MLPH: variants seen among roughly 807,000 people sequenced by gnomAD.
MLPH encodes the protein melanophilin, also known as exophilin-3.
Under a neutral mutation model 72.1 loss-of-function variants are expected in MLPH, and 51 were observed. The ratio of observed to expected loss-of-function variants is 0.71; its 90% CI spans 0.56 to 0.89. The LOEUF (loss-of-function observed/expected upper bound fraction) is 0.89. Ranked by LOEUF, MLPH falls within the 40% of genes least tolerant of loss-of-function variation. MLPH has a pLI of 0.00. For missense variants in MLPH, 743 were observed against 759.9 expected (o/e 0.98, Z 0.26); for synonymous variants, 301 against 310.1 (o/e 0.97, Z 0.31).
intron 2 of MLPH, among the ~76,000 whole-genome samples, chr2:237,503,672 C>T (rs952727018): frequency 1.3e-5 from 2 of 152,182 alleles, no homozygotes. Flanking sequence ...TCTCCATTAC[C>T]TGGGGTCTGT....
intron 14 of MLPH, among the ~76,000 whole-genome samples, chr2:237,550,130 G>A (rs2081002525): frequency 6.6e-6 from 1 of 152,208 alleles, no homozygotes; most frequent in African/African-American, 2.4e-5. Flanking sequence ...CACCAAGCAG[G>A]CACTTGCCTC....
intron 2 of MLPH, among the ~76,000 whole-genome samples, chr2:237,495,557 AG>A (rs759542438): frequency 2.0e-5 from 3 of 152,212 alleles, no homozygotes; most frequent in Non-Finnish European, 4.4e-5. Flanking sequence ...CATGCTGAAC[AG>A]GGTCCGCAAC....
At position 237,488,416 on chromosome 2, in the gene MLPH, C is replaced by T. The variant is rs7588180; in HGVS notation, c.-25+979C>T. Among the ~76,000 whole-genome samples the T allele has an allele frequency of 8.1e-3, 1,171 of 143,880 alleles. 6 individuals carry two copies. Among genetic ancestry groups the T allele is most frequent in the South Asian group, 0.032 (144 of 4,504 alleles). 94.4% of individuals were successfully genotyped at this position (143,880 alleles called of 152,430 possible). ...CTGGCCTGCATCTGTCCTAGGAAAC[C>T]CATCCCTCCAGCTGGCCTGCATCTG... is the stretch of plus-strand genomic sequence containing the variant. On this transcript the variant is annotated intron_variant, in intron 1 of 15. Transcript: ENST00000264605.
rs1200773046 is a variant in MLPH, at chr2:237,505,358, C to A, written c.111-5216C>A. Among the ~76,000 whole-genome samples the A allele has an allele frequency of 6.6e-6, 1 of 152,194 alleles. No homozygotes were observed. The highest frequency in any genetic ancestry group is 1.5e-5 in the Non-Finnish European group (1 of 68,036). The stretch of plus-strand genomic sequence containing the variant: ...CCCCAAGCCTCTGCCAGTCCCCTGG[C>A]TGCTCCTCATCGCATGCAGTCCTGC... On this transcript the variant is annotated intron_variant, in intron 2 of 15. Coordinates refer to ENST00000264605, the MANE Select transcript of MLPH (RefSeq NM_024101.7). This position sits in a 1 kb window ranked among gnomAD's most constrained non-coding sequence, Gnocchi z 4.5.
chr2:237,525,517 G>C (rs888063057), intron 6 of MLPH, 84 bp from the exon 7 acceptor site: 1 of 1,413,364 alleles, frequency 7.1e-7, no homozygotes, highest in African/African-American at 1.4e-5. Flanking sequence ...AAAGCCTCAG[G>C]GCTTGGATTG....
intron 2 of MLPH, among the ~76,000 whole-genome samples, chr2:237,508,165 G>A (rs1367619877): frequency 2.0e-5 from 3 of 152,084 alleles, no homozygotes; most frequent in Non-Finnish European, 4.4e-5. Context: ...ACGCTGGAGT[G>A]CAGTGACACA....
intron 2 of MLPH, among the ~76,000 whole-genome samples, chr2:237,494,188 GCAGAGAGCAGAGGA>G (rs2079488023): frequency 6.6e-6 from 1 of 152,140 alleles, no homozygotes; most frequent in East Asian, 1.9e-4. Context: ...GAAGGGGGGG[GCAGAGAGCAGAGGA>G]CAGAGGGCAG....
Position 237,525,407 on chromosome 2 carries a change from G to C in MLPH, c.676-194G>C, listed in dbSNP as rs567835497. On this transcript the variant is annotated intron_variant, in intron 6 of 15. Coordinates refer to ENST00000264605, the MANE Select transcript of MLPH (RefSeq NM_024101.7). ...ATAGGCAGTCAGTAGGCAACAAATA[G>C]GCAATATATGCTTTAGGCACAGTCT... Among the ~76,000 whole-genome samples the C allele has an allele frequency of 4.9e-4, 75 of 152,292 alleles. 2 individuals carry two copies. In the South Asian group the frequency reaches 0.015, roughly 30 times the overall value.
intron 1 of MLPH, among the ~76,000 whole-genome samples, chr2:237,488,986 T>C (rs1428709894): frequency 4.0e-5 from 6 of 151,572 alleles, no homozygotes; most frequent in African/African-American, 1.5e-4. Flanking sequence ...TCACTCCCCC[T>C]CTTAATTTCA....
rs781041118 is a variant in MLPH, at chr2:237,510,653, T to C, written c.190T>C (p.Cys64Arg). 1.2e-6 allele frequency: 2 copies of C among 1,613,794 alleles called. No homozygotes were observed. Among genetic ancestry groups the C allele is most frequent in the Non-Finnish European group, 1.7e-6 (2 of 1,180,052 alleles). Residue 64 changes from cysteine (C) to arginine (R), a missense_variant, in exon 3 of 16, where the codon TGC becomes CGC. Transcript: ENST00000264605. This position sits in a 1 kb window ranked among gnomAD's most constrained non-coding sequence, Gnocchi z 4.4. ...CACTGCCCATCTGAACGAGACCCAC[T>C]GCGCCCGCTGCCTGCAGCCCTACCA... is the stretch of plus-strand genomic sequence containing the variant. ...SDTAHLNETHCARCLQPYQLL... is the reference protein window; with the variant it reads ...SDTAHLNETHRARCLQPYQLL...
In MLPH at chr2:237,553,717, G is replaced by A. The variant is rs879280198; in HGVS notation, c.*125G>A. ...CCGTCCCAATGAGAAACAAGAAGGA[G>A]CACCCTCCACATGGACTCCCACCTG... On this transcript the variant is annotated 3_prime_UTR_variant, in exon 16 of 16. Coordinates refer to ENST00000264605, the MANE Select transcript of MLPH (RefSeq NM_024101.7). The A allele has an allele frequency of 2.7e-5, 37 of 1,354,844 alleles. No individual in the cohort carries two copies. Among genetic ancestry groups the A allele is most frequent in the Non-Finnish European group, 3.7e-5 (35 of 944,106 alleles). 83.9% of individuals were successfully genotyped at this position (1,354,844 alleles called of 1,614,324 possible).
chr2:237,527,665 C>CAAAA, intron 8 of MLPH, 149 bp downstream of exon 8: 1 of 992,558 alleles, frequency 1.0e-6, no homozygotes, highest in Non-Finnish European at 1.5e-6. Flanking sequence ...TACGTCATCA[C>CAAAA]AATATTTTTT....
chr2:237,511,451 C>G (rs902090521), intron 4 of MLPH: 7 of 336,202 alleles, frequency 2.1e-5, no homozygotes, highest in Non-Finnish European at 2.9e-5. Context: ...ACCTCTGCAT[C>G]CCACTGGCCT....
chr2:237,498,018 G>C (rs1044633738), intron 2 of MLPH, among the ~76,000 whole-genome samples: 4 of 152,184 alleles, frequency 2.6e-5, no homozygotes, highest in South Asian at 2.1e-4. Context: ...CCGTGGGCGC[G>C]ACCCAGCCCG....
At position 237,540,924 on chromosome 2, in the gene MLPH, G is replaced by A; in HGVS notation, c.1413G>A (p.Val471=). The A allele has an allele frequency of 6.2e-7, 1 of 1,609,960 alleles. No homozygotes were observed. The highest frequency in any genetic ancestry group is 8.5e-7 in the Non-Finnish European group (1 of 1,178,570). The part of the protein sequence containing the change: ...ELSELEDRVA[V]TASEVQQAES... ...CAGAGCTGGAGGACAGAGTGGCAGT[G>A]ACGGCCTCAGAAGTCCAGCAGGCAG... Residue 471 remains valine (V), a synonymous_variant, in exon 11 of 16, where the codon GTG becomes GTA. Coordinates refer to ENST00000264605, the MANE Select transcript of MLPH (RefSeq NM_024101.7).
chr2:237,517,450 C>CATGG (rs1175688144), intron 4 of MLPH, among the ~76,000 whole-genome samples: 8 of 127,446 alleles, frequency 6.3e-5, no homozygotes, highest in African/African-American at 8.6e-5. Context: ...TGGATGGATG[C>CATGG]ATGGATGGAT....
rs772465868 is a variant in MLPH, at chr2:237,540,366, C to A, written c.1123C>A (p.Arg375Ser). The change falls in exon 10 of 16, where the codon CGC becomes AGC. Residue 375 changes from arginine to serine, a missense_variant. Coordinates refer to ENST00000264605, the MANE Select transcript of MLPH (RefSeq NM_024101.7). ...CTGTCAGGGTCTAGGTGCTGGAGTG[C>A]GCACGGAGGCCGATGTAGAGGAGGA... is the stretch of plus-strand genomic sequence containing the variant. ...PLAKGLGAGV[R>S]TEADVEEEAL... is the part of the protein sequence containing the mutation. 4 of 1,613,600 alleles carry A rather than the reference C, an allele frequency of 2.5e-6. No homozygotes were observed. The highest frequency in any genetic ancestry group is 3.4e-6 in the Non-Finnish European group (4 of 1,180,002).
chr2:237,525,562 T>G (rs751308004), intron 6 of MLPH, 39 bp from the exon 7 acceptor site: 1 of 1,604,458 alleles, frequency 6.2e-7, no homozygotes, highest in Non-Finnish European at 8.5e-7. Flanking sequence ...CCCCTCCTAG[T>G]AAACCCTGCA....
intron 2 of MLPH, among the ~76,000 whole-genome samples, chr2:237,497,524 G>A (rs754179936): frequency 6.6e-6 from 1 of 152,182 alleles, no homozygotes. Context: ...CTTGAGCACC[G>A]CAAGGTCAAA....
Sources: gnomAD v4.1 joint callset for allele counts (sites outside exome capture counted in the v4.1 genomes callset) on GRCh38, gnomAD v4.1.1 for gene constraint, Gnocchi (gnomAD v3.1) non-coding constraint, MANE v1.5 for transcripts, NCBI Gene and HGNC (gene_info 2026-07-23, HGNC 2026-07-21) for gene names.